PCDHA4: variants seen among roughly 807,000 people sequenced by gnomAD.
The protein encoded by PCDHA4 is protocadherin alpha 4.
In PCDHA4, 49 loss-of-function variants were observed where a neutral mutation model predicts 61.4. The observed-to-expected ratio is 0.80, with a 90% CI of 0.63 to 1.01. PCDHA4 has a LOEUF of 1.01. Among genes scored for constraint, PCDHA4 ranks in the 50% least tolerant of loss-of-function variants. The probability of loss-of-function intolerance (pLI) is 0.00; values close to 1 mark genes in which losing one functional copy is unlikely to be tolerated. For missense variants in PCDHA4, 1,254 were observed against 1,235.8 expected, an observed-to-expected ratio of 1.01 and a Z score of -0.22; for synonymous variants, 590 against 550.3, an observed-to-expected ratio of 1.07 and a Z score of -1.01.
rs1483756278 is a variant in PCDHA4, at chr5:140,982,223, T to TA, written c.2445-246dup. On this transcript the variant is annotated intron_variant, in intron 2 of 3. Transcript: ENST00000530339. Reference sequence around the variant, plus strand: ...TTTAGTGAGCGCCACATGGCGTTAATAAAAAACAGAATTGCCATAAAGATA... The same window carrying TA: ...TTTAGTGAGCGCCACATGGCGTTAATAAAAAAACAGAATTGCCATAAAGATA... 8.6e-6 allele frequency: 5 copies of TA among 580,096 alleles called. No homozygotes were observed. In the East Asian group the frequency reaches 1.2e-4, roughly 14 times the overall value. The allele number at this position is 580,096 out of a possible 1,614,324, so 35.9% of individuals were successfully genotyped here. A position where few individuals can be genotyped will look rare whatever the true frequency, so the allele number is the denominator to read the frequency against.
chr5:140,828,235 C>A, intron 1 of PCDHA4: 1 of 1,613,970 alleles, frequency 6.2e-7, no homozygotes, highest in East Asian at 2.2e-5. Context: ...TGGGCCGGAT[C>A]GCGCAGGACC....
At chr5:140,890,507 C>G (rs2153430728) in intron 1 of PCDHA4, among the ~76,000 whole-genome samples, 1 of 152,146 alleles carries the variant, frequency 6.6e-6, no homozygotes, top group African/African-American at 2.4e-5. Context: ...TTTTATGTCT[C>G]TATTTCCTTC....
chr5:140,826,226 T>G (rs1768854046), intron 1 of PCDHA4, among the ~76,000 whole-genome samples: 1 of 152,244 alleles, frequency 6.6e-6, no homozygotes, highest in Admixed American at 6.5e-5. Context: ...AGTTTTGTGA[T>G]ATAAACTATT....
At chr5:140,928,143 C>T (rs983552748) in intron 1 of PCDHA4, 2 of 1,614,228 alleles carry the variant, frequency 1.2e-6, no homozygotes, top group Middle Eastern at 1.6e-4. Context: ...TGATCACGGC[C>T]TCAGATAGTG....
Position 140,858,084 on chromosome 5 carries a change from C to T in PCDHA4, c.2385+48512C>T, listed in dbSNP as rs781886260. 2 of 1,597,664 alleles carry T rather than the reference C, an allele frequency of 1.3e-6. No homozygotes were observed. Among genetic ancestry groups the T allele is most frequent in the Admixed American group, 1.7e-5 (1 of 59,290 alleles). ...GGCAGCCAGGCACCCAAGGCCTCGT[C>T]GCGGGCTTCAGTGGGCGTGGCGCCC... is the stretch of plus-strand genomic sequence containing the variant. On this transcript the variant is annotated intron_variant, in intron 1 of 3. Transcript: ENST00000530339.
At chr5:140,928,691 T>C (rs1554206164) in intron 1 of PCDHA4, 1 of 1,614,148 alleles carries the variant, frequency 6.2e-7, no homozygotes, top group East Asian at 2.2e-5. Context: ...TCCTACCACA[T>C]CTCCCGGGCG....
intron 1 of PCDHA4, chr5:140,877,781 T>C: frequency 6.2e-7 from 1 of 1,614,178 alleles, no homozygotes; most frequent in South Asian, 1.1e-5. Flanking sequence ...ACGGACCTCA[T>C]GGCCTTCAGC....
intron 1 of PCDHA4, chr5:140,927,070 A>G (rs1697871410): frequency 1.9e-6 from 3 of 1,610,816 alleles, no homozygotes; most frequent in Non-Finnish European, 2.5e-6. Context: ...CTTCCTTTCC[A>G]GCCACCGCGA....
chr5:140,981,687 ATCAT>A (rs200213847), intron 2 of PCDHA4, among the ~76,000 whole-genome samples: 197 of 152,078 alleles, frequency 1.3e-3, no homozygotes, highest in African/African-American at 4.2e-3. Context: ...CCTCCCTTCC[ATCAT>A]TCATTCATTC....
chr5:140,880,851 A>T lies in PCDHA4; in HGVS notation c.2385+71279A>T, dbSNP rs577713176. 2.0e-5 allele frequency among the ~76,000 whole-genome samples: 3 copies of T among 152,322 alleles called. No individual in the cohort carries two copies. In the South Asian group the frequency reaches 6.2e-4, roughly 32 times the overall value. On this transcript the variant is annotated intron_variant, in intron 1 of 3. Coordinates refer to ENST00000530339, the MANE Select transcript of PCDHA4 (RefSeq NM_018907.4). The stretch of plus-strand genomic sequence containing the variant: ...GCATATTTTAAATGGTTGACTATGT[A>T]GTCTAATTATGTGAAGAGGTAAATA...
chr5:140,889,923 C>T (rs1225073810), intron 1 of PCDHA4, among the ~76,000 whole-genome samples: 1 of 152,184 alleles, frequency 6.6e-6, no homozygotes, highest in African/African-American at 2.4e-5. Flanking sequence ...TGTAAAGAAG[C>T]TCAAGCTGGA....
chr5:140,991,149 C>T (rs2097435018), intron 3 of PCDHA4, among the ~76,000 whole-genome samples: 1 of 152,092 alleles, frequency 6.6e-6, no homozygotes, highest in South Asian at 2.1e-4. Flanking sequence ...GTTTTTTGCT[C>T]ACCATTGTAT....
Position 140,822,569 on chromosome 5 carries a change from C to T in PCDHA4, c.2385+12997C>T. On this transcript the variant is annotated intron_variant, in intron 1 of 3. Transcript: ENST00000530339. ...GGGACATTAGTTATTAAACTGAACGCCTCAGATGCAGATGAGGGCATCAAT... is the reference window on the plus strand; with the variant it reads ...GGGACATTAGTTATTAAACTGAACGTCTCAGATGCAGATGAGGGCATCAAT... 6.2e-7 allele frequency: 1 copy of T among 1,612,930 alleles called. No homozygotes were observed. Among genetic ancestry groups the T allele is most frequent in the Non-Finnish European group, 8.5e-7 (1 of 1,179,160 alleles).
chr5:140,960,892 G>A (rs1401042931), intron 1 of PCDHA4, among the ~76,000 whole-genome samples: 1 of 152,126 alleles, frequency 6.6e-6, no homozygotes, highest in East Asian at 1.9e-4. Flanking sequence ...AATGAATTTG[G>A]GGCATATCTT....
At chr5:140,884,368 G>T (rs2060127258) in intron 1 of PCDHA4, 1 of 1,613,864 alleles carries the variant, frequency 6.2e-7, no homozygotes, top group Non-Finnish European at 8.5e-7. Context: ...ATGTTTACTT[G>T]ATCATTGCCA....
rs782371963 is a variant in PCDHA4, at chr5:140,809,044, C to T, written c.1857C>T (p.Arg619=). The T allele has an allele frequency of 6.2e-7, 1 of 1,613,900 alleles. No individual in the cohort carries two copies. The highest frequency in any genetic ancestry group is 1.1e-5 in the South Asian group (1 of 91,084). The change falls in exon 1 of 4, where the codon CGC becomes CGT. Residue 619 remains arginine (R), a synonymous_variant. Coordinates refer to ENST00000530339, the MANE Select transcript of PCDHA4 (RefSeq NM_018907.4). ...TGCAGCCGGGGACTGGTGGCGCGCG[C>T]ATCCCGTTCCGCGTGGGGCTGTACA... The part of the protein sequence containing the change: ...YELQPGTGGA[R]IPFRVGLYTG...
chr5:140,828,407 C>G, intron 1 of PCDHA4: 2 of 1,614,262 alleles, frequency 1.2e-6, no homozygotes, highest in Non-Finnish European at 1.7e-6. Flanking sequence ...CAGCATCCAC[C>G]TGGAGGTGAT....
chr5:140,882,198 G>A lies in PCDHA4; in HGVS notation c.2385+72626G>A, dbSNP rs964999330. ...CCGCACTAGGAAGCCATAAAAATTG[G>A]GCCTTGAGAGACAGTTTGAGGTAAG... On this transcript the variant is annotated intron_variant, in intron 1 of 3. Coordinates refer to ENST00000530339, the MANE Select transcript of PCDHA4 (RefSeq NM_018907.4). The A allele has an allele frequency of 8.5e-6, 13 of 1,525,466 alleles. 1 individual carries two copies. In the East Asian group the frequency reaches 2.5e-4, roughly 29 times the overall value. The allele number at this position is 1,525,466 out of a possible 1,614,324, so 94.5% of individuals were successfully genotyped here.
chr5:140,931,409 A>G (rs1172534741), intron 1 of PCDHA4, among the ~76,000 whole-genome samples: 1 of 152,082 alleles, frequency 6.6e-6, no homozygotes, highest in African/African-American at 2.4e-5. Flanking sequence ...AGGAAGGCTG[A>G]TGAATCTAGA....
Sources: allele counts gnomAD v4.1 joint callset (sites outside exome capture counted in the v4.1 genomes callset), GRCh38; gene constraint gnomAD v4.1.1; transcripts MANE v1.5; gene names NCBI Gene and HGNC (gene_info 2026-07-23, HGNC 2026-07-21).